Variants in SYNE1 observed in about 807,000 individuals in gnomAD.
SYNE1 encodes the protein spectrin repeat containing nuclear envelope protein 1, also known as nesprin-1.
A neutral mutation model predicts 1,111.0 loss-of-function variants in SYNE1; 616 were observed. The ratio of observed to expected loss-of-function variants is 0.55; its 90% CI spans 0.52 to 0.59. The LOEUF (loss-of-function observed/expected upper bound fraction) is 0.59. SYNE1 is among the 20% of genes least tolerant of loss of function. The probability of loss-of-function intolerance (pLI) is 0.00; values close to 1 mark genes in which losing one functional copy is unlikely to be tolerated. For synonymous variants in SYNE1, 3,855 were observed against 3,825.8 expected, an observed-to-expected ratio of 1.01 and a Z score of -0.28; for missense variants, 10,006 against 10,417.0, an observed-to-expected ratio of 0.96 and a Z score of 1.72.
intron 17 of SYNE1, 117 bp from the exon 18 acceptor site, chr6:152,465,577 A>G (rs2098759666): frequency 3.2e-5 from 29 of 912,728 alleles, no homozygotes; most frequent in Non-Finnish European, 4.3e-5. Flanking sequence ...GCCAGAGTTC[A>G]TTTCCAACAA....
chr6:152,165,046 T>A (rs749189130), intron 130 of SYNE1, among the ~76,000 whole-genome samples: 2 of 151,972 alleles, frequency 1.3e-5, no homozygotes. Context: ...TGACAACTTA[T>A]ACACTTAGAG....
At chr6:152,417,072 GTATT>G in intron 40 of SYNE1, 57 bp from the exon 41 acceptor site, 1 of 1,605,650 alleles carries the variant, frequency 6.2e-7, no homozygotes, top group Non-Finnish European at 8.5e-7. Context: ...TATGGCAGAG[GTATT>G]TTACAGGATT....
intron 19 of SYNE1, 76 bp downstream of exon 19, chr6:152,463,277 C>T: frequency 6.3e-7 from 1 of 1,599,552 alleles, no homozygotes. Flanking sequence ...CTAAAAATAG[C>T]ATTCTCTCTA....
rs767628258 is a variant in SYNE1 at position 152,155,969 on chromosome 6, C to T, written c.23919G>A (p.Thr7973=). 50 of 1,614,048 alleles carry T rather than the reference C, an allele frequency of 3.1e-5. No individual in the cohort carries two copies. In the Admixed American group the frequency reaches 5.5e-4, roughly 18 times the overall value. The change falls in exon 132 of 146, where the codon ACG becomes ACA. Residue 7973 remains threonine, a synonymous_variant. Transcript: ENST00000367255. The part of the protein sequence containing the change: ...DAECDSIQQA[T]RNLDRRWRNI... ...TTCTCCACCGCCGGTCCAGGTTTCTCGTAGCCTGCTGTATAGAGTCACACT... is the reference window on the plus strand; with the variant it reads ...TTCTCCACCGCCGGTCCAGGTTTCTTGTAGCCTGCTGTATAGAGTCACACT...
intron 3 of SYNE1, among the ~76,000 whole-genome samples, chr6:152,579,542 G>A (rs188792389): frequency 6.1e-4 from 93 of 152,228 alleles, no homozygotes; most frequent in Non-Finnish European, 1.2e-3. Flanking sequence ...TTTAGGTTCA[G>A]GGGGTGCATG....
At position 152,430,203 on chromosome 6, in the gene SYNE1, T is replaced by C; in HGVS notation, c.4697A>G (p.Gln1566Arg). 1 of 1,600,408 alleles carries C rather than the reference T, an allele frequency of 6.2e-7. No homozygotes were observed. Among genetic ancestry groups the C allele is most frequent in the South Asian group, 1.1e-5 (1 of 89,690 alleles). ...KFEENLRKIQ[Q>R]SVSEFEDKLA... is the part of the protein sequence containing the mutation. ...TTTATCTTCAAATTCAGACACAGAT[T>C]GCTGGATCTAAAACATTGGTGCAAT... The change falls in exon 36 of 146, where the codon CAA (glutamine) becomes CGA (arginine). Residue 1566 changes from glutamine to arginine, a missense_variant. Physicochemically the swap from Gln to Arg is conservative, Grantham distance 43 (BLOSUM62 1). Transcript: ENST00000367255.
Position 152,510,141 on chromosome 6 carries a change from A to T in SYNE1, c.581+52T>A, listed in dbSNP as rs188172195. The T allele has an allele frequency of 2.4e-3, 3,808 of 1,573,048 alleles. 9 individuals are homozygous for T. Among genetic ancestry groups the T allele is most frequent in the Non-Finnish European group, 3.1e-3 (3,548 of 1,143,708 alleles). Reference sequence around the variant, plus strand: ...ATCATTAGAAGTTGCAATTAGTAACATTCATAACTCAATTTAACGGTTTCA... The same window carrying T: ...ATCATTAGAAGTTGCAATTAGTAACTTTCATAACTCAATTTAACGGTTTCA... On this transcript the variant is annotated intron_variant, in intron 8 of 145. Transcript: ENST00000367255.
intron 3 of SYNE1, among the ~76,000 whole-genome samples, chr6:152,597,067 A>G (rs1166901426): frequency 6.6e-6 from 1 of 152,198 alleles, no homozygotes; most frequent in African/African-American, 2.4e-5. Context: ...TAGCATAAAA[A>G]ATTTTTGTTA....
intron 24 of SYNE1, among the ~76,000 whole-genome samples, chr6:152,454,764 T>TAA (rs1251225991): frequency 6.6e-6 from 1 of 152,230 alleles, no homozygotes; most frequent in African/African-American, 2.4e-5. Flanking sequence ...ACATTAACCC[T>TAA]AAATCTAGTC....
In SYNE1 at chr6:152,301,908, C is replaced by T; in HGVS notation, c.17502G>A (p.Glu5834=). Residue 5834 remains glutamate (E), a synonymous_variant, in exon 92 of 146, where the codon GAG becomes GAA. Coordinates refer to ENST00000367255, the MANE Select transcript of SYNE1 (RefSeq NM_182961.4). ...GGTGGGCCGAAGGCGTGGGGAGGAG[C>T]TCCCCATCCAGGTCCTCTGTCCCTT... The part of the protein sequence containing the change: ...LAEGTEDLDG[E]LLPTPSAHPS... 1.9e-6 allele frequency: 3 copies of T among 1,614,048 alleles called. No individual in the cohort carries two copies. The highest frequency in any genetic ancestry group is 2.5e-6 in the Non-Finnish European group (3 of 1,179,950).
intron 5 of SYNE1, among the ~76,000 whole-genome samples, chr6:152,521,545 A>G (rs1481784605): frequency 2.0e-5 from 3 of 152,114 alleles, no homozygotes; most frequent in African/African-American, 4.8e-5. Flanking sequence ...ACTTTTTTCA[A>G]TTGAATATAT....
At chr6:152,193,743 A>G (rs763125974) in intron 127 of SYNE1, among the ~76,000 whole-genome samples, 4 of 152,078 alleles carry the variant, frequency 2.6e-5, no homozygotes, top group South Asian at 2.1e-4. Context: ...CAGGCGCGGT[A>G]GCTCACGCCT....
At chr6:152,574,091 C>T (rs1031148707) in intron 3 of SYNE1, among the ~76,000 whole-genome samples, 6 of 148,848 alleles carry the variant, frequency 4.0e-5, no homozygotes, top group South Asian at 2.1e-4. Flanking sequence ...AGCCTCATAA[C>T]GGGGTGAGAA....
intron 3 of SYNE1, among the ~76,000 whole-genome samples, chr6:152,627,248 A>C (rs2099687557): frequency 1.3e-5 from 2 of 152,238 alleles, no homozygotes; most frequent in Admixed American, 6.5e-5. Context: ...ACAGGTGATA[A>C]TTATATTTGT....
intron 3 of SYNE1, among the ~76,000 whole-genome samples, chr6:152,559,492 T>A (rs2099387563): frequency 6.6e-6 from 1 of 152,052 alleles, no homozygotes; most frequent in Non-Finnish European, 1.5e-5. Flanking sequence ...TGAAGAAAAT[T>A]TGAAAATTCT....
intron 130 of SYNE1, among the ~76,000 whole-genome samples, chr6:152,176,152 G>T (rs1185290533): frequency 6.6e-6 from 1 of 151,920 alleles, no homozygotes; most frequent in Non-Finnish European, 1.5e-5. Flanking sequence ...GTTTTGTTTG[G>T]ATATGACTCT....
chr6:152,334,141 A>G lies in SYNE1; in HGVS notation c.12661T>C (p.Leu4221=). The G allele has an allele frequency of 1.2e-6, 2 of 1,614,134 alleles. No individual in the cohort carries two copies. The highest frequency in any genetic ancestry group is 1.7e-6 in the Non-Finnish European group (2 of 1,180,038). ...CACAGGTTGTTAGACTGACGGCACAAATCGAGCCACTGATCATTTAAATGA... is the reference window on the plus strand; with the variant it reads ...CACAGGTTGTTAGACTGACGGCACAGATCGAGCCACTGATCATTTAAATGA... ...INHLNDQWLD[L]CRQSNNLCLQ... is the part of the protein sequence containing the mutation. Residue 4221 remains leucine, a synonymous_variant, in exon 77 of 146, where the codon TTG becomes CTG. Coordinates refer to ENST00000367255, the MANE Select transcript of SYNE1 (RefSeq NM_182961.4).
At chr6:152,269,523 T>C (rs1235961714) in intron 98 of SYNE1, among the ~76,000 whole-genome samples, 1 of 152,154 alleles carries the variant, frequency 6.6e-6, no homozygotes, top group Non-Finnish European at 1.5e-5. Flanking sequence ...GGAAAACCCA[T>C]ATATTTAGAG....
chr6:152,417,025 AAGAG>A lies in SYNE1; in HGVS notation c.5422-14_5422-11del. On this transcript the variant is annotated splice_polypyrimidine_tract_variant and intron_variant, in intron 40 of 145. Coordinates refer to ENST00000367255, the MANE Select transcript of SYNE1 (RefSeq NM_182961.4). The stretch of plus-strand genomic sequence containing the variant: ...CTTCTGCTGCGTGGTCCTGGAAGGG[AAGAG>A]AGAGTTATTGATTCCTGAGATACAC... 6.2e-7 allele frequency: 1 copy of A among 1,613,636 alleles called. No individual in the cohort carries two copies. Among genetic ancestry groups the A allele is most frequent in the Non-Finnish European group, 8.5e-7 (1 of 1,180,016 alleles).
Sources: gnomAD v4.1 joint callset for allele counts (sites outside exome capture counted in the v4.1 genomes callset) on GRCh38, gnomAD v4.1.1 for gene constraint, MANE v1.5 for transcripts, NCBI Gene and HGNC (gene_info 2026-07-23, HGNC 2026-07-21) for gene names.